TMEM51: variants seen among roughly 807,000 people sequenced by gnomAD.
TMEM51 encodes transmembrane protein 51, also known as chromosome 1 open reading frame 72.
A neutral mutation model predicts 13.6 loss-of-function variants in TMEM51; 8 were observed. The observed-to-expected ratio is 0.59, with a 90% CI of 0.35 to 1.07. The LOEUF (loss-of-function observed/expected upper bound fraction) is 1.07. Ranked by LOEUF, TMEM51 falls within the 50% of genes least tolerant of loss-of-function variation. TMEM51 has a pLI of 0.02. For synonymous variants in TMEM51, 147 were observed against 144.4 expected (o/e 1.02, Z -0.13); for missense variants, 279 against 330.7 (o/e 0.84, Z 1.21).
At chr1:15,181,647 G>A (rs1405942940) in intron 1 of TMEM51, among the ~76,000 whole-genome samples, 2 of 152,192 alleles carry the variant, frequency 1.3e-5, no homozygotes, top group African/African-American at 2.4e-5. Context: ...ATGGCAGCAG[G>A]TTCTCGACCA....
intron 3 of TMEM51, among the ~76,000 whole-genome samples, chr1:15,217,221 G>A (rs1421600208): frequency 6.6e-6 from 1 of 152,140 alleles, no homozygotes; most frequent in Non-Finnish European, 1.5e-5. Flanking sequence ...TTATATTGAA[G>A]GGATTTCTGC....
chr1:15,199,904 C>T (rs79583079), intron 1 of TMEM51, among the ~76,000 whole-genome samples: 2,868 of 152,206 alleles, frequency 0.019, 91 homozygotes, highest in African/African-American at 0.066. Context: ...ACTTCCTTCC[C>T]GGGGCTGCTG....
rs1644349113 is a variant in TMEM51 at position 15,212,037 on chromosome 1, C to G, written c.-194+1475C>G. On this transcript the variant is annotated intron_variant, in intron 2 of 3. Coordinates refer to ENST00000376008, the MANE Select transcript of TMEM51 (RefSeq NM_001136218.2). ...ATTAGCTGCTTTGAGACCATAATTTCCTTAAGTGCGTGAACCATAATTTAT... is the reference window on the plus strand; with the variant it reads ...ATTAGCTGCTTTGAGACCATAATTTGCTTAAGTGCGTGAACCATAATTTAT... 2.6e-5 allele frequency among the ~76,000 whole-genome samples: 4 copies of G among 152,098 alleles called. No individual in the cohort carries two copies. The South Asian group carries it at 8.3e-4, about 32-fold the overall frequency.
chr1:15,167,326 C>CAAAAAAAAA (rs555274126), intron 1 of TMEM51, among the ~76,000 whole-genome samples: 2 of 69,450 alleles, frequency 2.9e-5, no homozygotes, highest in Admixed American at 1.7e-4. Flanking sequence ...GACTCCATCT[C>CAAAAAAAAA]AAAAAAAAAA....
At chr1:15,196,798 A>G (rs959555411) in intron 1 of TMEM51, among the ~76,000 whole-genome samples, 36 of 152,282 alleles carry the variant, frequency 2.4e-4, no homozygotes, top group African/African-American at 8.7e-4. Context: ...CAGTGACAAC[A>G]TAATTTCAAG....
chr1:15,172,347 G>GCA (rs1368886795), intron 1 of TMEM51, among the ~76,000 whole-genome samples: 1 of 134,296 alleles, frequency 7.4e-6, no homozygotes, highest in Non-Finnish European at 1.5e-5. Context: ...TTGTGCCACT[G>GCA]CACCCCAGCC....
At chr1:15,218,549 A>G (rs1349896373) in intron 3 of TMEM51, among the ~76,000 whole-genome samples, 1 of 152,176 alleles carries the variant, frequency 6.6e-6, no homozygotes, top group Non-Finnish European at 1.5e-5. Context: ...GGGTATTATA[A>G]TAATAGTGAG....
intron 1 of TMEM51, among the ~76,000 whole-genome samples, chr1:15,206,280 G>GAGGGA (rs1644248246): frequency 6.6e-6 from 1 of 150,842 alleles, no homozygotes; most frequent in African/African-American, 2.4e-5. Context: ...GAGGGGAGGG[G>GAGGGA]AGGGAAGGGA....
chr1:15,167,186 G>C (rs1323319206), intron 1 of TMEM51, among the ~76,000 whole-genome samples: 2 of 151,928 alleles, frequency 1.3e-5, no homozygotes, highest in Non-Finnish European at 2.9e-5. Flanking sequence ...AATTAGCCAG[G>C]CGTGGTGGCG....
Position 15,219,957 on chromosome 1 carries a change from C to A in TMEM51, c.*214C>A. Reference sequence around the variant, plus strand: ...GCAGGTGCTTTGGAAAGAGATGCTGCCTTGGAGCTGGTGAATCTGTGGACC... The same window carrying A: ...GCAGGTGCTTTGGAAAGAGATGCTGACTTGGAGCTGGTGAATCTGTGGACC... On this transcript the variant is annotated 3_prime_UTR_variant, in exon 4 of 4. Coordinates refer to ENST00000376008, the MANE Select transcript of TMEM51 (RefSeq NM_001136218.2). The A allele has an allele frequency of 1.7e-6, 1 of 586,350 alleles. No homozygotes were observed. Among genetic ancestry groups the A allele is most frequent in the Non-Finnish European group, 3.0e-6 (1 of 333,960 alleles). 36.3% of individuals were successfully genotyped at this position (586,350 alleles called of 1,614,324 possible). A position where few individuals can be genotyped will look rare whatever the true frequency, so the allele number is the denominator to read the frequency against.
chr1:15,168,062 T>TTCTAG (rs1358840507), intron 1 of TMEM51, among the ~76,000 whole-genome samples: 3 of 152,246 alleles, frequency 2.0e-5, no homozygotes, highest in Admixed American at 1.3e-4. Context: ...TTCTTGTATA[T>TTCTAG]ACTTCTAGAA....
At position 15,209,442 on chromosome 1, in the gene TMEM51, C is replaced by T. The variant is rs72874024; in HGVS notation, c.-266-1048C>T. Among the ~76,000 whole-genome samples the T allele has an allele frequency of 2.6e-3, 402 of 152,142 alleles. 2 individuals carry two copies. The highest frequency in any genetic ancestry group is 7.5e-3 in the African/African-American group (312 of 41,502). ...CCTGAATTTTAGTTTATAGTCTTTGCGTTTCTTCCTAATATTACAAAAATA... is the reference window on the plus strand; with the variant it reads ...CCTGAATTTTAGTTTATAGTCTTTGTGTTTCTTCCTAATATTACAAAAATA... On this transcript the variant is annotated intron_variant, in intron 1 of 3. Coordinates refer to ENST00000376008, the MANE Select transcript of TMEM51 (RefSeq NM_001136218.2).
intron 1 of TMEM51, among the ~76,000 whole-genome samples, chr1:15,167,330 A>C (rs1020165040): frequency 0.2 from 15,402 of 78,490 alleles, 1,504 homozygotes; most frequent in East Asian, 0.35. Flanking sequence ...CCATCTCAAA[A>C]AAAAAAAAAA....
intron 1 of TMEM51, among the ~76,000 whole-genome samples, chr1:15,209,653 A>C (rs1257042967): frequency 6.6e-6 from 1 of 152,128 alleles, no homozygotes; most frequent in East Asian, 1.9e-4. Context: ...GTTGTGGTTT[A>C]TCCTTTCTCC....
At chr1:15,195,376 G>C (rs1273339280) in intron 1 of TMEM51, among the ~76,000 whole-genome samples, 1 of 152,120 alleles carries the variant, frequency 6.6e-6, no homozygotes, top group East Asian at 1.9e-4. Context: ...AAAAATGTTA[G>C]TGAGATTTTC....
chr1:15,171,353 A>G, intron 1 of TMEM51: 1 of 1,278,600 alleles, frequency 7.8e-7, no homozygotes, highest in South Asian at 1.3e-5. Flanking sequence ...ATTAGTTCTT[A>G]TGCATTCATA....
At chr1:15,170,315 A>G (rs1643206856) in intron 1 of TMEM51, among the ~76,000 whole-genome samples, 1 of 150,312 alleles carries the variant, frequency 6.7e-6, no homozygotes, top group South Asian at 2.1e-4. Flanking sequence ...CTGCAGGGCA[A>G]GGTAAAGCTA....
intron 2 of TMEM51, among the ~76,000 whole-genome samples, chr1:15,212,456 C>A (rs1306131631): frequency 6.7e-6 from 1 of 149,978 alleles, no homozygotes; most frequent in East Asian, 2.0e-4. Flanking sequence ...CGGCTCAAAT[C>A]ACTAGTCTGC....
chr1:15,206,787 A>T (rs943831345), intron 1 of TMEM51, among the ~76,000 whole-genome samples: 1 of 151,958 alleles, frequency 6.6e-6, no homozygotes, highest in African/African-American at 2.4e-5. Context: ...TCTTTTTCCC[A>T]TCAGCTCTCT....
Sources: allele counts gnomAD v4.1 joint callset (sites outside exome capture counted in the v4.1 genomes callset), GRCh38; gene constraint gnomAD v4.1.1; transcripts MANE v1.5; gene names NCBI Gene and HGNC (gene_info 2026-07-23, HGNC 2026-07-21).